OVCH1: variants seen among roughly 807,000 people sequenced by gnomAD.
The protein encoded by OVCH1 is ovochymase 1.
In OVCH1, 139 loss-of-function variants were observed where a neutral mutation model predicts 138.4. The ratio of observed to expected loss-of-function variants is 1.00; its 90% CI spans 0.87 to 1.16. The LOEUF (loss-of-function observed/expected upper bound fraction) is 1.16, where lower values mean the gene tolerates loss of function less well. OVCH1 is among the 50% of genes most tolerant of loss of function. The pLI is 0.00. For missense variants in OVCH1, 1,367 were observed against 1,357.9 expected (o/e 1.01, Z -0.11); for synonymous variants, 453 against 467.8 (o/e 0.97, Z 0.41).
chr12:29,423,091 A>G, downstream of OVCH1: 1 of 385,278 alleles, frequency 2.6e-6, no homozygotes, highest in Non-Finnish European at 5.1e-6. Flanking sequence ...CTTATGCAGT[A>G]TCTGCTTTAA....
At chr12:29,471,676 G>T in intron 16 of OVCH1, 126 bp downstream of exon 16, 1 of 1,137,270 alleles carries the variant, frequency 8.8e-7, no homozygotes, top group African/African-American at 1.6e-5. Flanking sequence ...CTATGCAGAA[G>T]AAACACTAAA....
At chr12:29,420,446 G>C (rs1459569308) in intron 3 of OVCH1, among the ~76,000 whole-genome samples, 1 of 143,298 alleles carries the variant, frequency 7.0e-6, no homozygotes, top group Non-Finnish European at 1.5e-5. Context: ...AGCATTGTTA[G>C]TCACTTATTT....
At chr12:29,441,750 A>T (rs1941490926) in intron 25 of OVCH1, among the ~76,000 whole-genome samples, 1 of 152,222 alleles carries the variant, frequency 6.6e-6, no homozygotes, top group Non-Finnish European at 1.5e-5. Flanking sequence ...TCCAGAATAT[A>T]CAATGAACTC....
At chr12:29,476,233 C>G in exon 13 of OVCH1, 1 of 1,613,254 alleles carries the variant, frequency 6.2e-7, no homozygotes, top group Non-Finnish European at 8.5e-7. Context: ...TCAGAATCAC[C>G]GTAAATCACA....
At chr12:29,409,728 T>G (rs968473852), downstream of OVCH1, among the ~76,000 whole-genome samples, 2 of 152,176 alleles carry the variant, frequency 1.3e-5, no homozygotes, top group Admixed American at 1.3e-4. Context: ...TTACTTCCAA[T>G]TATGTTGTCA....
rs145781563 is a variant in OVCH1, at chr12:29,468,203, G to T, written c.1857-2984C>A. 1.8e-4 allele frequency among the ~76,000 whole-genome samples: 28 copies of T among 152,254 alleles called. No homozygotes were observed. In the East Asian group the frequency reaches 4.6e-3, roughly 25 times the overall value. On this transcript the variant is annotated intron_variant, in intron 16 of 27. Transcript: ENST00000318184. ...ACATTCTTAATATTGATGACTTCTAGAGAAAAATAGTGTGTTAGAGAAATG... is the reference window on the plus strand; with the variant it reads ...ACATTCTTAATATTGATGACTTCTATAGAAAAATAGTGTGTTAGAGAAATG...
intron 25 of OVCH1, among the ~76,000 whole-genome samples, chr12:29,439,909 G>A (rs2135916111): frequency 6.6e-6 from 1 of 152,340 alleles, no homozygotes; most frequent in South Asian, 2.1e-4. Flanking sequence ...AATGAAAGAT[G>A]TATAGGGCAA....
intron 26 of OVCH1, among the ~76,000 whole-genome samples, chr12:29,438,609 T>G (rs1941408853): frequency 6.6e-6 from 1 of 152,210 alleles, no homozygotes; most frequent in African/African-American, 2.4e-5. Flanking sequence ...TGTATTTGTG[T>G]GCCACACAGG....
At chr12:29,476,744 TAC>T (rs1202629947) in intron 12 of OVCH1, among the ~76,000 whole-genome samples, 2 of 133,290 alleles carry the variant, frequency 1.5e-5, no homozygotes, top group African/African-American at 6.2e-5. Flanking sequence ...GCAGCATAAG[TAC>T]ACACGCGCGC....
At chr12:29,423,979 G>A (rs529161641), downstream of OVCH1, among the ~76,000 whole-genome samples, 5 of 152,218 alleles carry the variant, frequency 3.3e-5, no homozygotes, top group East Asian at 1.9e-4. Context: ...AGACCAGCTC[G>A]GTCGGGGAGA....
intron 2 of OVCH1, 46 bp from the exon 3 acceptor site, chr12:29,496,324 A>G (rs1565618994): frequency 1.4e-6 from 2 of 1,444,620 alleles, no homozygotes; most frequent in Non-Finnish European, 1.9e-6. Flanking sequence ...GTCTCCCCAC[A>G]TATGTATCTC....
intron 6 of OVCH1, among the ~76,000 whole-genome samples, chr12:29,489,014 T>A (rs1007796400): frequency 6.6e-6 from 1 of 152,088 alleles, no homozygotes; most frequent in African/African-American, 2.4e-5. Context: ...TGGCCAAGAA[T>A]AATGACTCCT....
At chr12:29,485,030 A>C (rs1943048798) in intron 8 of OVCH1, among the ~76,000 whole-genome samples, 1 of 152,322 alleles carries the variant, frequency 6.6e-6, no homozygotes, top group African/African-American at 2.4e-5. Context: ...TTTTAAAAAC[A>C]CTTCTTCAGA....
In OVCH1 at chr12:29,473,086, C is replaced by A; in HGVS notation, c.1618G>T (p.Glu540Ter). The A allele has an allele frequency of 1.2e-6, 2 of 1,607,090 alleles. No individual in the cohort carries two copies. Among genetic ancestry groups the A allele is most frequent in the Middle Eastern group, 1.7e-4 (1 of 6,044 alleles). The change falls in exon 15 of 28, where the codon GAA (glutamate) becomes TAA (stop). Residue 540 changes from glutamate (E) to a stop codon, truncating the protein, a stop_gained. Coordinates refer to ENST00000318184, the Ensembl canonical transcript of OVCH1. LOFTEE classifies it high-confidence loss of function. ...TTGTTTTGGGGAGGTAACTTTGGTT[C>A]AAATTTGTTTAAAGACTCTGTAGAA...
rs1464973950 is a variant in OVCH1, at chr12:29,468,782, T to C, written c.1856+3020A>G. Among the ~76,000 whole-genome samples, 6 of 152,138 alleles carry C rather than the reference T, an allele frequency of 3.9e-5. No individual in the cohort carries two copies. In the East Asian group the frequency reaches 9.6e-4, roughly 24 times the overall value. On this transcript the variant is annotated intron_variant, in intron 16 of 27. Coordinates refer to ENST00000318184, the Ensembl canonical transcript of OVCH1. ...AGCTTGATGTAGATACAGATAGATA[T>C]ATTTATATACATGGGTGAGTATACA...
At chr12:29,477,499 G>C in intron 10 of OVCH1, 21 bp from the exon 11 acceptor site, 1 of 1,613,900 alleles carries the variant, frequency 6.2e-7, no homozygotes, top group Non-Finnish European at 8.5e-7. Context: ...GAGAAGGAAA[G>C]TGAAATAACA....
chr12:29,461,788 G>A (rs1269353025), intron 19 of OVCH1, 66 bp downstream of exon 19: 2 of 1,589,776 alleles, frequency 1.3e-6, no homozygotes, highest in South Asian at 1.1e-5. Flanking sequence ...GGTTTCTCCT[G>A]TCTATAGAAA....
chr12:29,492,786 G>A (rs984145489), intron 4 of OVCH1, among the ~76,000 whole-genome samples: 1 of 152,094 alleles, frequency 6.6e-6, no homozygotes, highest in African/African-American at 2.4e-5. Flanking sequence ...GATGTCCAGG[G>A]CTGAGCCTGG....
chr12:29,410,285 A>G (rs913785979), downstream of OVCH1, among the ~76,000 whole-genome samples: 2 of 149,264 alleles, frequency 1.3e-5, no homozygotes, highest in African/African-American at 4.9e-5. Flanking sequence ...TTTGTCTTTT[A>G]ATTGGAGCAT....
Sources: gnomAD v4.1 joint callset for allele counts (sites outside exome capture counted in the v4.1 genomes callset) on GRCh38, gnomAD v4.1.1 for gene constraint, MANE v1.5 for transcripts, NCBI Gene and HGNC (gene_info 2026-07-23, HGNC 2026-07-21) for gene names.